Variants in BANP observed in about 807,000 individuals in gnomAD.
The protein encoded by BANP is protein BANP.
In BANP, 11 loss-of-function variants were observed where a neutral mutation model predicts 68.1. The observed-to-expected ratio is 0.16, with a 90% CI of 0.10 to 0.27. The LOEUF (loss-of-function observed/expected upper bound fraction) is 0.27, where lower values mean the gene tolerates loss of function less well. Ranked by LOEUF, BANP falls within the 10% of genes least tolerant of loss-of-function variation. The probability of loss-of-function intolerance (pLI) is 1.00; values close to 1 mark genes in which losing one functional copy is unlikely to be tolerated. For missense variants in BANP, 504 were observed against 722.7 expected, an observed-to-expected ratio of 0.70 and a Z score of 3.47; for synonymous variants, 329 against 303.2, an observed-to-expected ratio of 1.09 and a Z score of -0.88.
intron 12 of BANP, among the ~76,000 whole-genome samples, chr16:88,070,499 G>A (rs908082387): frequency 1.3e-5 from 2 of 152,182 alleles, no homozygotes; most frequent in African/African-American, 4.8e-5. Context: ...GGTTCATTCT[G>A]ATGGCTCAGC....
At position 87,995,985 on chromosome 16, in the gene BANP, G is replaced by C. The variant is rs544600032; in HGVS notation, c.363-8310G>C. Among the ~76,000 whole-genome samples the C allele has an allele frequency of 1.2e-4, 18 of 152,340 alleles. No homozygotes were observed. The South Asian group carries it at 3.7e-3, about 32-fold the overall frequency. On this transcript the variant is annotated intron_variant, in intron 4 of 13. Transcript: ENST00000682872. ...CACATTTAGCGGGTTTGGCCCTGGG[G>C]CATTTGAAAGTTGTTTAAACTCATC...
chr16:87,975,191 G>C lies in BANP; in HGVS notation c.70+6G>C. The stretch of plus-strand genomic sequence containing the variant: ...CCTGAGCCCTGACCACCCAGGTACA[G>C]AGCTGTGGGACAGTAGGTGAAATAT... On this transcript the variant is annotated splice_donor_region_variant and intron_variant, in intron 2 of 13. Coordinates refer to ENST00000682872, the MANE Select transcript of BANP (RefSeq NM_001386991.1). 1 of 1,613,874 alleles carries C rather than the reference G, an allele frequency of 6.2e-7. No homozygotes were observed. Among genetic ancestry groups the C allele is most frequent in the Non-Finnish European group, 8.5e-7 (1 of 1,179,750 alleles).
intron 11 of BANP, among the ~76,000 whole-genome samples, chr16:88,043,566 C>T (rs545585932): frequency 3.3e-5 from 5 of 152,262 alleles, no homozygotes; most frequent in Admixed American, 6.5e-5. Flanking sequence ...AGTAGAAATT[C>T]GGAATGATTT....
intron 6 of BANP, among the ~76,000 whole-genome samples, chr16:88,015,515 C>G (rs1447739171): frequency 1.3e-5 from 2 of 152,250 alleles, no homozygotes; most frequent in African/African-American, 4.8e-5. Context: ...AGCACGTGGC[C>G]CCTCCTGGCC....
At chr16:87,984,696 T>A (rs1486534433) in intron 4 of BANP, among the ~76,000 whole-genome samples, 1 of 152,270 alleles carries the variant, frequency 6.6e-6, no homozygotes, top group Non-Finnish European at 1.5e-5. Context: ...TAGAGTCTAA[T>A]GAGTCTAATC....
chr16:88,033,320 C>T, intron 9 of BANP, 75 bp downstream of exon 9: 5 of 1,393,858 alleles, frequency 3.6e-6, no homozygotes, highest in Non-Finnish European at 4.8e-6. Flanking sequence ...TGGCGGCTTC[C>T]ACCGGTTCCG....
intron 4 of BANP, among the ~76,000 whole-genome samples, chr16:87,989,849 G>A (rs1316914992): frequency 1.7e-5 from 2 of 115,420 alleles, no homozygotes; most frequent in Non-Finnish European, 1.7e-5. Flanking sequence ...GCAGGCCCGC[G>A]TGGCTGCGTG....
intron 11 of BANP, among the ~76,000 whole-genome samples, chr16:88,056,115 C>T (rs576363284): frequency 9.2e-5 from 14 of 152,268 alleles, no homozygotes; most frequent in East Asian, 5.8e-4. Context: ...AAAGGGAGGC[C>T]GTGGTGTCTC....
upstream of BANP, among the ~76,000 whole-genome samples, chr16:87,951,233 G>C (rs181015160): frequency 6.6e-6 from 1 of 152,164 alleles, no homozygotes; most frequent in Non-Finnish European, 1.5e-5. Context: ...GGCGAAAAAC[G>C]GGGGGAAAAA....
chr16:88,010,939 TGTAA>T lies in BANP; in HGVS notation c.655+4677_655+4680del, dbSNP rs1254649802. On this transcript the variant is annotated intron_variant, in intron 6 of 13. Coordinates refer to ENST00000682872, the MANE Select transcript of BANP (RefSeq NM_001386991.1). Reference sequence around the variant, plus strand: ...GCATTTATTTACAGAATTCATCTTATGTAAGTGTTTTTAACATAAGTGCTGTATG... The same window carrying T: ...GCATTTATTTACAGAATTCATCTTATGTGTTTTTAACATAAGTGCTGTATG... 1.9e-4 allele frequency among the ~76,000 whole-genome samples: 8 copies of T among 42,896 alleles called. No individual in the cohort carries two copies. In the East Asian group the frequency reaches 0.028, roughly 151 times the overall value. The allele number at this position is 42,896 out of a possible 152,430, so 28.1% of individuals were successfully genotyped here. A position where few individuals can be genotyped will look rare whatever the true frequency, so the allele number is the denominator to read the frequency against.
At chr16:87,955,599 G>A (rs558660151) in intron 1 of BANP, among the ~76,000 whole-genome samples, 99 of 152,240 alleles carry the variant, frequency 6.5e-4, no homozygotes, top group Non-Finnish European at 1.3e-3. Flanking sequence ...ACCCCACACT[G>A]GTGCGTGTGG....
At chr16:88,014,995 C>G (rs1567754724) in intron 6 of BANP, among the ~76,000 whole-genome samples, 1 of 151,446 alleles carries the variant, frequency 6.6e-6, no homozygotes, top group Non-Finnish European at 1.5e-5. Context: ...CAGCTGCTTG[C>G]CCTCTCTGCC....
Position 88,072,234 on chromosome 16 carries a change from G to A in BANP, c.1521+22G>A, listed in dbSNP as rs180881982. ...ACAGGTGAGTCTGGGGCCCCGCGCC[G>A]GGACACTGAAGTGATGGCATGGCCG... On this transcript the variant is annotated intron_variant, in intron 13 of 13. Transcript: ENST00000682872. 7.5e-4 allele frequency: 1,203 copies of A among 1,596,856 alleles called. 7 individuals are homozygous for A. In the African/African-American group the frequency reaches 0.012, roughly 16 times the overall value.
intron 11 of BANP, among the ~76,000 whole-genome samples, chr16:88,041,341 G>C (rs1289000463): frequency 3.3e-5 from 5 of 152,184 alleles, no homozygotes; most frequent in African/African-American, 4.8e-5. Flanking sequence ...GGCCTTGGTG[G>C]CTGCGGTGCT....
intron 4 of BANP, among the ~76,000 whole-genome samples, chr16:87,994,544 T>A (rs1391616010): frequency 1.3e-5 from 2 of 152,266 alleles, no homozygotes; most frequent in African/African-American, 4.8e-5. Flanking sequence ...TGGTTTTATA[T>A]TCTGTTTTGC....
chr16:87,952,289 C>T (rs1299517690), intron 1 of BANP: 1 of 152,250 alleles, frequency 6.6e-6, no homozygotes, highest in Non-Finnish European at 1.5e-5. Context: ...GGTTGTCTTG[C>T]TATTGGAGAA....
At chr16:88,072,761 CAA>C (rs1438151747) in intron 13 of BANP, among the ~76,000 whole-genome samples, 1 of 152,258 alleles carries the variant, frequency 6.6e-6, no homozygotes, top group Non-Finnish European at 1.5e-5. Flanking sequence ...GAGGCCCAGA[CAA>C]GAGCCCCGTG....
intron 4 of BANP, among the ~76,000 whole-genome samples, chr16:87,984,773 G>A (rs1360797113): frequency 1.3e-5 from 2 of 152,172 alleles, no homozygotes; most frequent in East Asian, 1.9e-4. Flanking sequence ...AGAAAGTCTC[G>A]GACCTGCTTG....
chr16:87,977,829 A>T (rs961764369), intron 2 of BANP, among the ~76,000 whole-genome samples: 2 of 117,370 alleles, frequency 1.7e-5, no homozygotes, highest in African/African-American at 7.5e-5. Flanking sequence ...ACTGCAGTTG[A>T]TTGATTGTGA....
Sources: allele counts gnomAD v4.1 joint callset (sites outside exome capture counted in the v4.1 genomes callset), GRCh38; gene constraint gnomAD v4.1.1; transcripts MANE v1.5; gene names NCBI Gene and HGNC (gene_info 2026-07-23, HGNC 2026-07-21).